The following KRABD2 variants were observed in gnomAD, a reference collection of about 807,000 sequenced individuals.
The protein encoded by KRABD2 is KRAB domain containing 2.
At chr17:8,360,361 C>T in the KRABD2 span, among the ~76,000 whole-genome samples, 1 of 151,974 alleles carries the variant, frequency 6.6e-6, no homozygotes, top group Non-Finnish European at 1.5e-5. Flanking sequence ...GGCAAAGTCT[C>T]ATATTAAAAC....
chr17:8,374,628 TAAAA>T, the KRABD2 span, among the ~76,000 whole-genome samples: 1 of 71,434 alleles, frequency 1.4e-5, no homozygotes, highest in Admixed American at 1.6e-4. Flanking sequence ...CAATAAATAC[TAAAA>T]AAAAAAAAAA....
At chr17:8,369,070 C>T in the KRABD2 span, 4 of 1,529,772 alleles carry the variant, frequency 2.6e-6, no homozygotes, top group Admixed American at 2.2e-5. Context: ...GGGCCTCTGG[C>T]AACAGTTCTC....
the KRABD2 span, among the ~76,000 whole-genome samples, chr17:8,364,604 C>T: frequency 6.6e-6 from 1 of 152,138 alleles, no homozygotes; most frequent in African/African-American, 2.4e-5. This position sits in a 1 kb window ranked among gnomAD's most constrained non-coding sequence, Gnocchi z 4.4. Context: ...ACATGCACTG[C>T]GTCTCCTCAT....
the KRABD2 span, chr17:8,371,986 G>A: frequency 1.9e-5 from 19 of 986,060 alleles, no homozygotes; most frequent in Non-Finnish European, 2.3e-5. Context: ...GGCCAGGGGA[G>A]TTCACATGAG....
At chr17:8,372,745 G>A in the KRABD2 span, among the ~76,000 whole-genome samples, 2 of 152,178 alleles carry the variant, frequency 1.3e-5, no homozygotes, top group East Asian at 1.9e-4. This position sits in a 1 kb window ranked among gnomAD's most constrained non-coding sequence, Gnocchi z 4.1. Context: ...GCAAAGGAAG[G>A]AAAAGCCTCA....
chr17:8,364,029 C>T, the KRABD2 span, among the ~76,000 whole-genome samples: 1 of 151,448 alleles, frequency 6.6e-6, no homozygotes, highest in Non-Finnish European at 1.5e-5. This position sits in a 1 kb window ranked among gnomAD's most constrained non-coding sequence, Gnocchi z 4.4. Flanking sequence ...CCACCACACC[C>T]AGCTAATTTT....
chr17:8,361,754 G>A, the KRABD2 span, among the ~76,000 whole-genome samples: 1 of 151,972 alleles, frequency 6.6e-6, no homozygotes, highest in African/African-American at 2.4e-5. Flanking sequence ...GGCTGGTGTC[G>A]AACCCTGTGG....
At chr17:8,369,495 C>A in the KRABD2 span, 1 of 1,614,054 alleles carries the variant, frequency 6.2e-7, no homozygotes, top group Non-Finnish European at 8.5e-7. Flanking sequence ...CATCCAGGTA[C>A]TTATCATGTT....
chr17:8,371,942 TAGTCAGAAC>T, the KRABD2 span: 3 of 990,408 alleles, frequency 3.0e-6, no homozygotes, highest in Non-Finnish European at 3.6e-6. Flanking sequence ...TGGGATTCCT[TAGTCAGAAC>T]AGCCGTAAGA....
the KRABD2 span, among the ~76,000 whole-genome samples, chr17:8,364,988 C>G: frequency 6.6e-6 from 1 of 151,860 alleles, no homozygotes; most frequent in African/African-American, 2.4e-5. The surrounding 1 kb of genome is among the most constrained non-coding windows in gnomAD (Gnocchi z 4.4). Context: ...GGGCCGAGAT[C>G]ACGCCATTGC....
chr17:8,370,827 C>G, the KRABD2 span, among the ~76,000 whole-genome samples: 1 of 152,198 alleles, frequency 6.6e-6, no homozygotes, highest in Non-Finnish European at 1.5e-5. Context: ...AACTCTTAAA[C>G]TGAAATTTGT....
chr17:8,365,984 G>A, the KRABD2 span, among the ~76,000 whole-genome samples: 8 of 151,804 alleles, frequency 5.3e-5, no homozygotes, highest in Non-Finnish European at 7.4e-5. Flanking sequence ...AAAATTAGCC[G>A]GGCGTGGTTG....
chr17:8,370,480 A>G, the KRABD2 span: 1 of 832,752 alleles, frequency 1.2e-6, no homozygotes, highest in Non-Finnish European at 1.8e-6. Flanking sequence ...TCTTTCATCT[A>G]ATTTTTGAAG....
chr17:8,363,447 A>C, the KRABD2 span, among the ~76,000 whole-genome samples: 1 of 151,940 alleles, frequency 6.6e-6, no homozygotes. Flanking sequence ...CGCCTCCTAG[A>C]TTCAAGCAAT....
At chr17:8,372,539 G>A in the KRABD2 span, among the ~76,000 whole-genome samples, 2 of 152,094 alleles carry the variant, frequency 1.3e-5, no homozygotes, top group East Asian at 3.9e-4. This position sits in a 1 kb window ranked among gnomAD's most constrained non-coding sequence, Gnocchi z 4.1. Flanking sequence ...TGATCTGCTC[G>A]TTTTGGCCTC....
the KRABD2 span, chr17:8,369,935 T>G: frequency 6.2e-7 from 1 of 1,614,070 alleles, no homozygotes; most frequent in Non-Finnish European, 8.5e-7. Context: ...AGACAATAAC[T>G]TCTTTGGTGA....
the KRABD2 span, among the ~76,000 whole-genome samples, chr17:8,363,826 CATACATATATATATAT>C: frequency 1.1e-4 from 6 of 54,180 alleles, no homozygotes; most frequent in African/African-American, 2.3e-4. Flanking sequence ...ATATATATAT[CATACATATATATATAT>C]ATATATATAT....
chr17:8,373,703 C>T, the KRABD2 span: 1 of 162,468 alleles, frequency 6.2e-6, no homozygotes, highest in Non-Finnish European at 1.3e-5. Flanking sequence ...CTCTTCCCGG[C>T]CGCCATCCCG....
chr17:8,370,254 A>G, the KRABD2 span: 7 of 1,613,650 alleles, frequency 4.3e-6, no homozygotes, highest in Non-Finnish European at 5.1e-6. Context: ...TTTGCTTTCT[A>G]CTAACTTTGT....
Sources: gnomAD v4.1 joint callset for allele counts (sites outside exome capture counted in the v4.1 genomes callset) on GRCh38, gnomAD v4.1.1 for gene constraint, Gnocchi (gnomAD v3.1) non-coding constraint, MANE v1.5 for transcripts, NCBI Gene and HGNC (gene_info 2026-07-23, HGNC 2026-07-21) for gene names.